EYS: variants seen among roughly 807,000 people sequenced by gnomAD.
The protein encoded by EYS is protein eyes shut homolog.
Under a neutral mutation model 282.1 loss-of-function variants are expected in EYS, and 250 were observed. That is an observed-to-expected ratio of 0.89 (90% CI 0.80 to 0.98). The LOEUF (loss-of-function observed/expected upper bound fraction) is 0.98, where lower values mean the gene tolerates loss of function less well. Among genes scored for constraint, EYS ranks in the 50% least tolerant of loss-of-function variants. EYS has a pLI of 0.00. For synonymous variants in EYS, 1,355 were observed against 1,282.9 expected (o/e 1.06, Z -1.20); for missense variants, 4,016 against 3,709.0 (o/e 1.08, Z -2.15).
intron 16 of EYS, among the ~76,000 whole-genome samples, chr6:64,904,662 G>C (rs1767768766): frequency 6.6e-6 from 1 of 152,118 alleles, no homozygotes; most frequent in Non-Finnish European, 1.5e-5. Context: ...ACACTAAAAT[G>C]ATTCTTAGAA....
At chr6:64,826,656 C>T (rs924947853) in intron 19 of EYS, among the ~76,000 whole-genome samples, 3 of 144,882 alleles carry the variant, frequency 2.1e-5, no homozygotes, top group Admixed American at 7.0e-5. Context: ...TATATATATT[C>T]CTATTATATA....
At chr6:65,402,970 G>C (rs898557534) in intron 6 of EYS, among the ~76,000 whole-genome samples, 1 of 152,034 alleles carries the variant, frequency 6.6e-6, no homozygotes, top group African/African-American at 2.4e-5. Context: ...AGGAAGCGCA[G>C]GCCACATGGA....
intron 35 of EYS, among the ~76,000 whole-genome samples, chr6:63,975,364 T>C (rs1000611848): frequency 3.9e-5 from 6 of 151,940 alleles, no homozygotes; most frequent in African/African-American, 1.4e-4. Flanking sequence ...AAGGGACAGA[T>C]TGATGGTATG....
intron 29 of EYS, among the ~76,000 whole-genome samples, chr6:64,378,384 T>G (rs960014455): frequency 6.6e-6 from 1 of 152,038 alleles, no homozygotes; most frequent in Non-Finnish European, 1.5e-5. Context: ...ATTTAAAAAA[T>G]TATTAATATT....
At chr6:64,502,045 T>C (rs1382517058) in intron 26 of EYS, among the ~76,000 whole-genome samples, 1 of 152,170 alleles carries the variant, frequency 6.6e-6, no homozygotes, top group Non-Finnish European at 1.5e-5. Context: ...AAATGTCAAA[T>C]GAGTAAATGC....
At chr6:64,651,344 G>A (rs1768552649) in intron 22 of EYS, among the ~76,000 whole-genome samples, 1 of 152,144 alleles carries the variant, frequency 6.6e-6, no homozygotes. Context: ...CTGTATATAT[G>A]TGCAGTTCAA....
chr6:63,767,399 C>T (rs939338638), intron 40 of EYS, among the ~76,000 whole-genome samples: 6 of 152,044 alleles, frequency 3.9e-5, no homozygotes, highest in Non-Finnish European at 5.9e-5. Flanking sequence ...AATATAAAAT[C>T]GCTGTACAAA....
At chr6:64,888,895 G>T (rs1430025733) in intron 18 of EYS, among the ~76,000 whole-genome samples, 1 of 151,838 alleles carries the variant, frequency 6.6e-6, no homozygotes, top group Non-Finnish European at 1.5e-5. Context: ...AGCAGTGAAA[G>T]GTATCTCAAG....
intron 14 of EYS, among the ~76,000 whole-genome samples, chr6:64,959,577 C>G (rs762178553): frequency 1.3e-5 from 2 of 152,124 alleles, no homozygotes; most frequent in Admixed American, 1.3e-4. Flanking sequence ...GTCCCAGATG[C>G]TATGACATGT....
At chr6:65,502,040 A>G (rs946604330) in intron 2 of EYS, among the ~76,000 whole-genome samples, 7 of 151,774 alleles carry the variant, frequency 4.6e-5, no homozygotes, top group Non-Finnish European at 8.9e-5. Flanking sequence ...AAATATAAGT[A>G]TAACTTATTT....
At chr6:64,540,687 T>C (rs1331266090) in intron 26 of EYS, among the ~76,000 whole-genome samples, 1 of 152,090 alleles carries the variant, frequency 6.6e-6, no homozygotes, top group African/African-American at 2.4e-5. Flanking sequence ...TTTTGCCATG[T>C]TGGCCAGGCT....
chr6:65,443,658 CAT>C (rs770159394), intron 5 of EYS, among the ~76,000 whole-genome samples: 10 of 151,184 alleles, frequency 6.6e-5, no homozygotes, highest in African/African-American at 9.7e-5. Flanking sequence ...TGTCTATACA[CAT>C]ATACGTATAC....
At chr6:65,307,182 C>T (rs1420941325) in intron 11 of EYS, among the ~76,000 whole-genome samples, 377 of 146,368 alleles carry the variant, frequency 2.6e-3, no homozygotes, top group African/African-American at 9.2e-3. Flanking sequence ...GCCTAATATT[C>T]AATGAAGGAC....
chr6:64,475,538 G>A (rs866619976), intron 26 of EYS, among the ~76,000 whole-genome samples: 2 of 54,444 alleles, frequency 3.7e-5, no homozygotes, highest in African/African-American at 6.0e-5. Context: ...GCGACAGAGC[G>A]AGACTCCGTC....
At chr6:65,478,962 A>G (rs1765503944) in intron 5 of EYS, among the ~76,000 whole-genome samples, 1 of 152,200 alleles carries the variant, frequency 6.6e-6, no homozygotes, top group African/African-American at 2.4e-5. Flanking sequence ...AATAGAATGC[A>G]TGAGTAAACT....
Position 64,081,838 on chromosome 6 carries a change from C to T in EYS, c.6571+18G>A. On this transcript the variant is annotated intron_variant, in intron 32 of 42. Transcript: ENST00000503581. Reference sequence around the variant, plus strand: ...GAAAGAAACATGACATACAAGAAGTCAAACATTTAATACTCACTGTAAAGA... The same window carrying T: ...GAAAGAAACATGACATACAAGAAGTTAAACATTTAATACTCACTGTAAAGA... 1 of 1,459,812 alleles carries T rather than the reference C, an allele frequency of 6.9e-7. No individual in the cohort carries two copies. The highest frequency in any genetic ancestry group is 1.4e-5 in the South Asian group (1 of 72,134). The allele number at this position is 1,459,812 out of a possible 1,614,324, so 90.4% of individuals were successfully genotyped here.
At chr6:64,722,452 G>A (rs1771615912) in intron 22 of EYS, among the ~76,000 whole-genome samples, 1 of 149,838 alleles carries the variant, frequency 6.7e-6, no homozygotes, top group African/African-American at 2.5e-5. Context: ...GGGATAATGT[G>A]AAAACAAAGC....
intron 22 of EYS, among the ~76,000 whole-genome samples, chr6:64,681,009 A>AG (rs1443075322): frequency 6.6e-6 from 1 of 152,228 alleles, no homozygotes. Flanking sequence ...ACTAATCCTT[A>AG]GGCCAATTAG....
chr6:64,053,142 C>T (rs2149845588), intron 33 of EYS, among the ~76,000 whole-genome samples: 2 of 151,322 alleles, frequency 1.3e-5, no homozygotes, highest in East Asian at 3.9e-4. Flanking sequence ...TTTTGAAATT[C>T]CAGAGTTTAT....
Sources: gnomAD v4.1 joint callset for allele counts (sites outside exome capture counted in the v4.1 genomes callset) on GRCh38, gnomAD v4.1.1 for gene constraint, MANE v1.5 for transcripts, NCBI Gene and HGNC (gene_info 2026-07-23, HGNC 2026-07-21) for gene names.